The following ICA1L variants were observed in gnomAD, a reference collection of about 807,000 sequenced individuals.
ICA1L encodes the protein islet cell autoantigen 1 like, also known as islet cell autoantigen 1-like protein.
Under a neutral mutation model 61.3 loss-of-function variants are expected in ICA1L, and 50 were observed. That is an observed-to-expected ratio of 0.82 (90% CI 0.65 to 1.03). The LOEUF is 1.03. Ranked by LOEUF, ICA1L falls within the 50% of genes least tolerant of loss-of-function variation. The pLI, the probability that ICA1L is intolerant of heterozygous loss-of-function variation, is 0.00. For missense variants in ICA1L, 508 were observed against 556.7 expected, an observed-to-expected ratio of 0.91 and a Z score of 0.88; for synonymous variants, 161 against 191.3, an observed-to-expected ratio of 0.84 and a Z score of 1.31.
chr2:202,860,309 T>TAATAAA (rs1308145629), intron 1 of ICA1L: 4 of 148,664 alleles, frequency 2.7e-5, no homozygotes, highest in East Asian at 2.0e-4. Context: ...ATAATAATAA[T>TAATAAA]AAATGGGAAA....
intron 1 of ICA1L, among the ~76,000 whole-genome samples, chr2:202,868,149 T>A (rs1447467847): frequency 6.6e-6 from 1 of 152,132 alleles, no homozygotes; most frequent in Non-Finnish European, 1.5e-5. Flanking sequence ...AACGGTTGTT[T>A]GGGTTTGTTT....
intron 1 of ICA1L, among the ~76,000 whole-genome samples, chr2:202,839,976 A>G (rs1340862757): frequency 6.6e-6 from 1 of 151,744 alleles, no homozygotes; most frequent in African/African-American, 2.4e-5. Context: ...ACCCTGCCTG[A>G]CATTTTATGG....
chr2:202,822,794 C>T (rs1048810116), intron 3 of ICA1L, among the ~76,000 whole-genome samples: 1 of 152,194 alleles, frequency 6.6e-6, no homozygotes, highest in East Asian at 1.9e-4. Flanking sequence ...TCCCCACTAC[C>T]CCTGTCCCCG....
chr2:202,796,891 A>G lies in ICA1L; in HGVS notation c.984T>C (p.Asn328=). The G allele has an allele frequency of 1.9e-6, 3 of 1,551,536 alleles. No homozygotes were observed. The highest frequency in any genetic ancestry group is 2.6e-6 in the Non-Finnish European group (3 of 1,135,750). The change falls in exon 10 of 13, where the codon AAT becomes AAC. Residue 328 remains asparagine (N), a splice_region_variant and synonymous_variant. Coordinates refer to ENST00000358299, the MANE Select transcript of ICA1L (RefSeq NM_001288622.3). ...TATGTAGAGTGAAATGATTCTTACC[A>G]TTTTCAGAGTTAGAAAACTGAGGTG... ...FGAPQFSNSE[N]VAKDLPVDSL... is the part of the protein sequence containing the mutation.
intron 12 of ICA1L, among the ~76,000 whole-genome samples, chr2:202,781,456 C>T (rs1400305503): frequency 1.3e-5 from 2 of 151,806 alleles, no homozygotes; most frequent in East Asian, 3.9e-4. Flanking sequence ...CACCTGTAAT[C>T]CCAGCTACTT....
intron 3 of ICA1L, among the ~76,000 whole-genome samples, chr2:202,825,048 G>A (rs1382169820): frequency 5.9e-5 from 9 of 152,226 alleles, no homozygotes; most frequent in African/African-American, 1.7e-4. Context: ...GAAAGGAACA[G>A]AGATCATGAA....
chr2:202,857,980 G>T (rs577110353), intron 1 of ICA1L, among the ~76,000 whole-genome samples: 13 of 152,276 alleles, frequency 8.5e-5, no homozygotes, highest in Admixed American at 5.2e-4. Flanking sequence ...ACAGATGCTG[G>T]AGAGGATGTG....
intron 1 of ICA1L, among the ~76,000 whole-genome samples, chr2:202,868,924 C>T (rs189184632): frequency 1.4e-4 from 21 of 151,612 alleles, no homozygotes; most frequent in East Asian, 5.9e-4. Flanking sequence ...GCTGAGATCG[C>T]GCCACTGCAC....
At chr2:202,827,442 GCT>G (rs1559140119) in intron 2 of ICA1L, among the ~76,000 whole-genome samples, 12 of 151,736 alleles carry the variant, frequency 7.9e-5, no homozygotes, top group African/African-American at 2.9e-4. Context: ...AAGTGACTAT[GCT>G]TGATTATTTT....
chr2:202,835,238 T>TTTTG (rs1694116834), intron 1 of ICA1L, among the ~76,000 whole-genome samples: 1 of 108,062 alleles, frequency 9.3e-6, no homozygotes, highest in Non-Finnish European at 2.1e-5. Flanking sequence ...TTTTTTTTTT[T>TTTTG]GACAGAGTCT....
chr2:202,815,813 T>C (rs1409388270), intron 7 of ICA1L, 98 bp downstream of exon 7: 2 of 686,298 alleles, frequency 2.9e-6, no homozygotes, highest in Non-Finnish European at 4.6e-6. Context: ...GTTTTGTAAA[T>C]TTTAAATTAA....
At chr2:202,809,758 G>A (rs904584585) in intron 9 of ICA1L, among the ~76,000 whole-genome samples, 13 of 152,030 alleles carry the variant, frequency 8.6e-5, no homozygotes, top group African/African-American at 2.9e-4. Context: ...CATTGCACTC[G>A]AGTCTGGGTG....
At chr2:202,867,359 G>C (rs1019697917) in intron 1 of ICA1L, among the ~76,000 whole-genome samples, 3 of 152,050 alleles carry the variant, frequency 2.0e-5, no homozygotes, top group Admixed American at 6.6e-5. Context: ...TACAAACCTA[G>C]ATGTTATAAG....
intron 1 of ICA1L, among the ~76,000 whole-genome samples, chr2:202,853,689 C>T (rs1348785405): frequency 6.6e-6 from 1 of 151,956 alleles, no homozygotes; most frequent in African/African-American, 2.4e-5. Flanking sequence ...AAAAAGTGGG[C>T]AAAGAATATG....
Position 202,779,642 on chromosome 2 carries a change from T to C in ICA1L, c.1340A>G (p.Asn447Ser), listed in dbSNP as rs923567816. ...QSPKKLTRSP[N>S]NGNQDMSAWF... ...GGCTGACATGTCTTGGTTGCCATTG[T>C]TGGGGGCTATTAAAAAAGAAAAAAA... The change falls in exon 13 of 13, where the codon AAC (asparagine) becomes AGC (serine). Residue 447 changes from asparagine (N) to serine (S), a missense_variant. Transcript: ENST00000358299. The C allele has an allele frequency of 4.4e-6, 7 of 1,593,692 alleles. No individual in the cohort carries two copies. Among genetic ancestry groups the C allele is most frequent in the Middle Eastern group, 1.7e-4 (1 of 6,004 alleles).
At chr2:202,796,760 C>CA (rs1178155604) in intron 10 of ICA1L, 130 bp downstream of exon 10, 2 of 556,784 alleles carry the variant, frequency 3.6e-6, no homozygotes, top group Admixed American at 7.0e-5. Context: ...TGATGTGCTA[C>CA]AAAGTAGAGG....
intron 2 of ICA1L, 52 bp from the exon 3 acceptor site, chr2:202,825,819 T>C (rs562293599): frequency 1.1e-4 from 117 of 1,078,956 alleles, no homozygotes; most frequent in Middle Eastern, 2.1e-4. Flanking sequence ...AACAAATATA[T>C]GTTATAAGCA....
chr2:202,839,861 A>G (rs1009121630), intron 1 of ICA1L, among the ~76,000 whole-genome samples: 5 of 151,630 alleles, frequency 3.3e-5, no homozygotes, highest in African/African-American at 1.2e-4. Context: ...TTTATCCACT[A>G]TAGGTTTTTG....
At chr2:202,846,880 T>TA (rs1301152444) in intron 1 of ICA1L, among the ~76,000 whole-genome samples, 1 of 152,250 alleles carries the variant, frequency 6.6e-6, no homozygotes, top group Non-Finnish European at 1.5e-5. Flanking sequence ...GACTATATAT[T>TA]AAATCACATG....
Sources: allele counts gnomAD v4.1 joint callset (sites outside exome capture counted in the v4.1 genomes callset), GRCh38; gene constraint gnomAD v4.1.1; transcripts MANE v1.5; gene names NCBI Gene and HGNC (gene_info 2026-07-23, HGNC 2026-07-21).